The following PLXNA2 variants were observed in gnomAD, a reference collection of about 807,000 sequenced individuals.
The protein encoded by PLXNA2 is plexin A2.
A neutral mutation model predicts 193.5 loss-of-function variants in PLXNA2; 91 were observed. The ratio of observed to expected loss-of-function variants is 0.47; its 90% CI spans 0.40 to 0.56. PLXNA2 has a LOEUF of 0.56. Among genes scored for constraint, PLXNA2 ranks in the 20% least tolerant of loss-of-function variants. The pLI, the probability that PLXNA2 is intolerant of heterozygous loss-of-function variation, is 0.00. For missense variants in PLXNA2, 1,995 were observed against 2,503.2 expected (o/e 0.80, Z 4.33); for synonymous variants, 997 against 1,027.3 (o/e 0.97, Z 0.56).
intron 28 of PLXNA2, among the ~76,000 whole-genome samples, chr1:208,032,474 G>C (rs1664533074): frequency 6.6e-6 from 1 of 152,194 alleles, no homozygotes; most frequent in African/African-American, 2.4e-5. Context: ...TGGAGACATG[G>C]GGTCTCGTGG....
chr1:208,120,212 C>G (rs962371013), intron 4 of PLXNA2, among the ~76,000 whole-genome samples: 2 of 152,188 alleles, frequency 1.3e-5, no homozygotes, highest in Admixed American at 6.5e-5. Flanking sequence ...CTCTGCCCTC[C>G]TACAGCTTGC....
At chr1:208,048,867 C>T (rs1408141839) in intron 17 of PLXNA2, among the ~76,000 whole-genome samples, 1 of 152,208 alleles carries the variant, frequency 6.6e-6, no homozygotes, top group Admixed American at 6.5e-5. Flanking sequence ...ATGTCCCTCC[C>T]AGGGCAAAAT....
At chr1:208,130,256 G>C (rs182524501) in intron 4 of PLXNA2, among the ~76,000 whole-genome samples, 2 of 152,340 alleles carry the variant, frequency 1.3e-5, no homozygotes, top group East Asian at 3.9e-4. Context: ...CAAAGGGCCA[G>C]CTGGAAATGC....
At chr1:208,093,315 T>G (rs950964674) in intron 8 of PLXNA2, among the ~76,000 whole-genome samples, 1 of 152,158 alleles carries the variant, frequency 6.6e-6, no homozygotes, top group African/African-American at 2.4e-5. Flanking sequence ...TTCCCAATAT[T>G]TCACTGCTTG....
intron 12 of PLXNA2, among the ~76,000 whole-genome samples, chr1:208,066,620 C>T (rs1267467863): frequency 6.6e-6 from 1 of 152,124 alleles, no homozygotes; most frequent in Non-Finnish European, 1.5e-5. Context: ...TATGTACTCA[C>T]TATATTTTTT....
At chr1:208,177,966 A>G (rs926406203) in intron 3 of PLXNA2, among the ~76,000 whole-genome samples, 2 of 152,124 alleles carry the variant, frequency 1.3e-5, no homozygotes, top group African/African-American at 4.8e-5. Context: ...GAGATTTCAA[A>G]CCTCTTACTG....
chr1:208,237,764 A>T (rs1427751948), intron 1 of PLXNA2, among the ~76,000 whole-genome samples: 3 of 152,170 alleles, frequency 2.0e-5, no homozygotes, highest in Non-Finnish European at 4.4e-5. Context: ...CCCCTAGTAC[A>T]CACTGTTAAT....
intron 2 of PLXNA2, among the ~76,000 whole-genome samples, chr1:208,213,077 A>G (rs1363655280): frequency 6.6e-6 from 1 of 152,172 alleles, no homozygotes; most frequent in East Asian, 1.9e-4. Flanking sequence ...AGCCCAAGTC[A>G]GCTTTTGAGA....
chr1:208,069,068 T>C (rs1665891476), intron 12 of PLXNA2, among the ~76,000 whole-genome samples: 1 of 152,100 alleles, frequency 6.6e-6, no homozygotes, highest in African/African-American at 2.4e-5. Context: ...CACGCCCAGG[T>C]ATAAAGGTGG....
chr1:208,109,035 C>T (rs1667375019), intron 4 of PLXNA2, among the ~76,000 whole-genome samples: 1 of 152,208 alleles, frequency 6.6e-6, no homozygotes, highest in South Asian at 2.1e-4. Context: ...CTGGAATCTT[C>T]CCTGGAATCT....
intron 3 of PLXNA2, among the ~76,000 whole-genome samples, chr1:208,209,076 C>T (rs1670839750): frequency 1.3e-5 from 2 of 152,108 alleles, no homozygotes; most frequent in Admixed American, 1.3e-4. Flanking sequence ...AGCTAGGGTC[C>T]CTAGTCCCAG....
intron 4 of PLXNA2, among the ~76,000 whole-genome samples, chr1:208,112,973 T>C (rs1236112191): frequency 6.9e-6 from 1 of 144,846 alleles, no homozygotes; most frequent in African/African-American, 2.6e-5. Flanking sequence ...GTAGGACCCT[T>C]TCTAGGAAGT....
At chr1:208,099,406 A>C (rs1254984421) in intron 5 of PLXNA2, among the ~76,000 whole-genome samples, 1 of 152,172 alleles carries the variant, frequency 6.6e-6, no homozygotes, top group Non-Finnish European at 1.5e-5. Context: ...CTCTGCTTGG[A>C]GTATGTCTTA....
At chr1:208,115,959 A>C (rs1209357631) in intron 4 of PLXNA2, among the ~76,000 whole-genome samples, 1 of 152,188 alleles carries the variant, frequency 6.6e-6, no homozygotes, top group East Asian at 1.9e-4. Flanking sequence ...TTATAGTCCA[A>C]ACACCTCAGT....
intron 12 of PLXNA2, among the ~76,000 whole-genome samples, chr1:208,064,718 C>T (rs1056989758): frequency 2.0e-5 from 3 of 152,172 alleles, no homozygotes; most frequent in African/African-American, 7.2e-5. Flanking sequence ...GACCCTGCAT[C>T]CTGCCTTCTG....
chr1:208,122,219 A>T (rs941483759), intron 4 of PLXNA2, among the ~76,000 whole-genome samples: 3 of 152,250 alleles, frequency 2.0e-5, no homozygotes, highest in African/African-American at 7.2e-5. Context: ...AACAGATGAG[A>T]TCCTAGATAC....
At chr1:208,151,287 G>A (rs1224180966) in intron 3 of PLXNA2, among the ~76,000 whole-genome samples, 1 of 152,196 alleles carries the variant, frequency 6.6e-6, no homozygotes, top group African/African-American at 2.4e-5. Flanking sequence ...TTCTAGTAGT[G>A]TGGGCACTCG....
chr1:208,204,651 A>C (rs1208678980), intron 3 of PLXNA2, among the ~76,000 whole-genome samples: 2 of 152,238 alleles, frequency 1.3e-5, no homozygotes, highest in Non-Finnish European at 2.9e-5. Flanking sequence ...TCTGGCATAG[A>C]ATAGGCACCC....
chr1:208,193,079 C>G (rs1281331508), intron 3 of PLXNA2, among the ~76,000 whole-genome samples: 2 of 152,158 alleles, frequency 1.3e-5, no homozygotes, highest in African/African-American at 4.8e-5. Context: ...GATGAAAACT[C>G]TGTGCATCCA....
Sources: gnomAD v4.1 joint callset for allele counts (sites outside exome capture counted in the v4.1 genomes callset) on GRCh38, gnomAD v4.1.1 for gene constraint, MANE v1.5 for transcripts, NCBI Gene and HGNC (gene_info 2026-07-23, HGNC 2026-07-21) for gene names.